The following GPR158 variants were observed in gnomAD, a reference collection of about 807,000 sequenced individuals.
GPR158 encodes G protein-coupled receptor 158.
GPR158 carries 30 observed loss-of-function variants against 78.2 expected under a neutral mutation model. That is an observed-to-expected ratio of 0.38 (90% confidence interval 0.29 to 0.52). The LOEUF (loss-of-function observed/expected upper bound fraction) is 0.52. Among genes scored for constraint, GPR158 ranks in the 20% least tolerant of loss-of-function variants. The pLI is 0.83. For synonymous variants in GPR158, 581 were observed against 591.1 expected (o/e 0.98, Z 0.25); for missense variants, 1,463 against 1,523.5 (o/e 0.96, Z 0.66).
intron 1 of GPR158, among the ~76,000 whole-genome samples, chr10:25,182,594 C>G (rs1350795396): frequency 6.6e-6 from 1 of 152,168 alleles, no homozygotes; most frequent in Non-Finnish European, 1.5e-5. Context: ...AGGCTCTCAC[C>G]AGACTGATTT....
At chr10:25,290,466 G>A (rs917500296) in intron 2 of GPR158, among the ~76,000 whole-genome samples, 3 of 151,994 alleles carry the variant, frequency 2.0e-5, no homozygotes, top group African/African-American at 7.2e-5. Context: ...GAGCAGAAGA[G>A]GACAATTCAT....
At chr10:25,411,459 GCAGT>G (rs1453838735) in intron 3 of GPR158, among the ~76,000 whole-genome samples, 2 of 152,132 alleles carry the variant, frequency 1.3e-5, no homozygotes, top group Non-Finnish European at 2.9e-5. Flanking sequence ...GAATTAAGGA[GCAGT>G]CAAAGTCTCA....
In GPR158 at chr10:25,290,811, T is replaced by C. The variant is rs1184726164; in HGVS notation, c.1008+69654T>C. Among the ~76,000 whole-genome samples the C allele has an allele frequency of 2.0e-5, 3 of 152,122 alleles. No homozygotes were observed. The East Asian group carries it at 5.8e-4, about 29-fold the overall frequency. On this transcript the variant is annotated intron_variant, in intron 2 of 10. Transcript: ENST00000376351. ...TTCTTTTAGATAACTAACTGTTACA[T>C]TACCTTTTCAAATATTTAATTAAAA...
At chr10:25,532,486 T>C (rs1414516528) in intron 5 of GPR158, among the ~76,000 whole-genome samples, 1 of 152,220 alleles carries the variant, frequency 6.6e-6, no homozygotes, top group African/African-American at 2.4e-5. Flanking sequence ...CATTTTTGTT[T>C]CTTTGTTGAG....
chr10:25,287,451 C>A (rs762819741), intron 2 of GPR158, among the ~76,000 whole-genome samples: 13 of 151,930 alleles, frequency 8.6e-5, no homozygotes, highest in Non-Finnish European at 1.5e-4. Context: ...ATCTTAGGAC[C>A]CTCACTAATC....
chr10:25,204,909 A>G (rs1050571032), intron 1 of GPR158, among the ~76,000 whole-genome samples: 3 of 149,198 alleles, frequency 2.0e-5, no homozygotes, highest in Non-Finnish European at 2.9e-5. Flanking sequence ...CTCATCTTGA[A>G]TTGTAGCTCC....
chr10:25,505,942 T>A (rs1043423303), intron 5 of GPR158, among the ~76,000 whole-genome samples: 7 of 152,242 alleles, frequency 4.6e-5, no homozygotes, highest in Non-Finnish European at 7.3e-5. Context: ...TGAAATGATG[T>A]AGGCACAGCT....
intron 5 of GPR158, among the ~76,000 whole-genome samples, chr10:25,540,945 A>AAAAAAAAT (rs1342123329): frequency 4.8e-5 from 4 of 82,920 alleles, no homozygotes; most frequent in African/African-American, 3.9e-4. Flanking sequence ...GTATAATAAA[A>AAAAAAAAT]ATATATATAT....
At chr10:25,498,751 TTG>T (rs1383126728) in intron 5 of GPR158, among the ~76,000 whole-genome samples, 2 of 152,220 alleles carry the variant, frequency 1.3e-5, no homozygotes, top group African/African-American at 4.8e-5. Context: ...CAAACCATTT[TTG>T]AATGTAGGGC....
intron 8 of GPR158, among the ~76,000 whole-genome samples, chr10:25,593,332 G>T (rs1837364965): frequency 6.6e-6 from 1 of 151,836 alleles, no homozygotes; most frequent in Non-Finnish European, 1.5e-5. Context: ...ATAAAAATTA[G>T]TTTCTTCCTA....
chr10:25,469,287 A>G (rs1388569621), intron 5 of GPR158, among the ~76,000 whole-genome samples: 2 of 152,146 alleles, frequency 1.3e-5, no homozygotes, highest in Non-Finnish European at 2.9e-5. Flanking sequence ...CTCCCAACTC[A>G]TATTCAGCTG....
At chr10:25,592,142 G>A (rs1383743138) in intron 8 of GPR158, among the ~76,000 whole-genome samples, 15 of 151,818 alleles carry the variant, frequency 9.9e-5, no homozygotes, top group Admixed American at 9.9e-4. Context: ...TATCAATATA[G>A]CATGTGTTCT....
chr10:25,223,777 C>T (rs1031520077), intron 2 of GPR158, among the ~76,000 whole-genome samples: 2 of 152,074 alleles, frequency 1.3e-5, no homozygotes, highest in Non-Finnish European at 2.9e-5. Flanking sequence ...TATGAATGTC[C>T]ACATCATTAG....
chr10:25,199,653 G>A (rs1852893392), intron 1 of GPR158, among the ~76,000 whole-genome samples: 1 of 140,900 alleles, frequency 7.1e-6, no homozygotes, highest in Admixed American at 7.3e-5. Context: ...GAGATCTGAT[G>A]GTTTAACAGT....
intron 2 of GPR158, among the ~76,000 whole-genome samples, chr10:25,249,183 G>A (rs1379342054): frequency 6.6e-6 from 1 of 152,098 alleles, no homozygotes; most frequent in Non-Finnish European, 1.5e-5. Context: ...CTTTGCTGAA[G>A]TTGCTTATCA....
chr10:25,503,574 G>C (rs946867107), intron 5 of GPR158, among the ~76,000 whole-genome samples: 3 of 152,148 alleles, frequency 2.0e-5, no homozygotes, highest in African/African-American at 7.2e-5. Context: ...TACTGTGTCA[G>C]TATTACAGGG....
intron 2 of GPR158, among the ~76,000 whole-genome samples, chr10:25,231,428 T>C (rs1213098225): frequency 1.3e-5 from 2 of 152,200 alleles, no homozygotes; most frequent in African/African-American, 2.4e-5. Flanking sequence ...GATAAATCAA[T>C]TTTCCAGCTA....
intron 6 of GPR158, among the ~76,000 whole-genome samples, chr10:25,562,013 G>GA (rs1836867071): frequency 1.4e-5 from 2 of 142,790 alleles, no homozygotes; most frequent in African/African-American, 5.5e-5. Context: ...TGTTCAGGAG[G>GA]ATGCAGAAGA....
chr10:25,596,857 G>A, intron 10 of GPR158, 68 bp downstream of exon 10: 1 of 1,398,730 alleles, frequency 7.1e-7, no homozygotes, highest in East Asian at 2.3e-5. Context: ...GGCGTGTGTG[G>A]GTTGGGGTGC....
Sources: gnomAD v4.1 joint callset for allele counts (sites outside exome capture counted in the v4.1 genomes callset) on GRCh38, gnomAD v4.1.1 for gene constraint, MANE v1.5 for transcripts, NCBI Gene and HGNC (gene_info 2026-07-23, HGNC 2026-07-21) for gene names.